MESD: variants seen among roughly 807,000 people sequenced by gnomAD.
MESD encodes mesoderm development LRP chaperone.
MESD carries 7 observed loss-of-function variants against 12.9 expected under a neutral mutation model. That is an observed-to-expected ratio of 0.54 (90% CI 0.31 to 1.02). The LOEUF is 1.02. MESD is among the 50% of genes least tolerant of loss of function. The probability of loss-of-function intolerance (pLI) is 0.05; values close to 1 mark genes in which losing one functional copy is unlikely to be tolerated. For missense variants in MESD, 342 were observed against 296.7 expected (o/e 1.15, Z -1.12); for synonymous variants, 126 against 115.6 (o/e 1.09, Z -0.58).
At chr15:80,946,736 G>A (rs1358471883), downstream of MESD, 4 of 556,192 alleles carry the variant, frequency 7.2e-6, no homozygotes, top group Non-Finnish European at 9.9e-6. Context: ...GAAGGCTGTG[G>A]GCACCAACTG....
chr15:80,974,197 C>T (rs116825754), downstream of MESD, among the ~76,000 whole-genome samples: 1,251 of 152,276 alleles, frequency 8.2e-3, 20 homozygotes, highest in African/African-American at 0.029. Context: ...TATAGGAAAG[C>T]TGAGAGAAGG....
rs1902439395 is a variant in MESD at position 80,977,169 on chromosome 15, C to G, written c.*2050G>C. ...CACAGGGTCTTAGCTCAGACTGTTT[C>G]CTCTGCCTGCCTTACTCTATTTCTC... On this transcript the variant is annotated 3_prime_UTR_variant, in exon 3 of 3. Transcript: ENST00000261758. 6.5e-6 allele frequency: 1 copy of G among 152,884 alleles called. No individual in the cohort carries two copies. Among genetic ancestry groups the G allele is most frequent in the Non-Finnish European group, 1.5e-5 (1 of 68,440 alleles). 9.5% of individuals were successfully genotyped at this position (152,884 alleles called of 1,614,324 possible). A position where few individuals can be genotyped will look rare whatever the true frequency, so the allele number is the denominator to read the frequency against.
intron 4 of MESD, chr15:80,948,993 G>C: frequency 3.7e-6 from 6 of 1,600,822 alleles, no homozygotes; most frequent in Non-Finnish European, 5.1e-6. Context: ...GACCAGTGGG[G>C]GATGGCTGGG....
At position 80,989,599 on chromosome 15, in the gene MESD, G is replaced by A. The variant is rs1893242090; in HGVS notation, c.193C>T (p.Arg65Cys). 3 of 1,613,544 alleles carry A rather than the reference G, an allele frequency of 1.9e-6. No homozygotes were observed. The highest frequency in any genetic ancestry group is 1.1e-5 in the South Asian group (1 of 91,074). The change falls in exon 1 of 3, where the codon CGT (arginine) becomes TGT (cysteine). Residue 65 changes from arginine to cysteine, a missense_variant. Coordinates refer to ENST00000261758, the MANE Select transcript of MESD (RefSeq NM_015154.3). ...IRDYNDADMARLLEQWEKDDD... is the reference protein window; with the variant it reads ...IRDYNDADMACLLEQWEKDDD... ...CGGACCTCCCATTGCTCCAGAAGAC[G>A]CGCCATGTCTGCATCATTGTAATCG...
intron 3 of MESD, among the ~76,000 whole-genome samples, chr15:80,962,854 G>A (rs191411463): frequency 1.5e-4 from 23 of 152,240 alleles, no homozygotes; most frequent in Non-Finnish European, 7.4e-5. Flanking sequence ...GAGGGAAATT[G>A]ATACCACTAA....
At chr15:80,963,732 A>T (rs980195942) in intron 3 of MESD, among the ~76,000 whole-genome samples, 3 of 152,196 alleles carry the variant, frequency 2.0e-5, no homozygotes, top group African/African-American at 7.2e-5. Flanking sequence ...CAAAAACCAC[A>T]TGATTATCTC....
intron 3 of MESD, among the ~76,000 whole-genome samples, chr15:80,955,487 CAA>C (rs1169755665): frequency 3.5e-4 from 16 of 45,616 alleles, no homozygotes; most frequent in Middle Eastern, 0.012. Flanking sequence ...GACTCCGTCT[CAA>C]AAAAAAAAAA....
intron 2 of MESD, 71 bp from the exon 3 acceptor site, chr15:80,979,548 T>C: frequency 6.6e-7 from 1 of 1,510,742 alleles, no homozygotes; most frequent in Non-Finnish European, 8.9e-7. Flanking sequence ...AGCAATTCTC[T>C]GGCACTTATC....
chr15:80,952,946 G>A, intron 3 of MESD: 1 of 455,972 alleles, frequency 2.2e-6, no homozygotes, highest in South Asian at 1.5e-5. Context: ...CCTGCCCAAT[G>A]AGTGGTGTGG....
At chr15:80,971,446 C>A (rs1047319884), downstream of MESD, among the ~76,000 whole-genome samples, 7 of 152,186 alleles carry the variant, frequency 4.6e-5, no homozygotes, top group Non-Finnish European at 1.0e-4. Context: ...GCGTTAGCAA[C>A]AATCCTAAGT....
At chr15:80,981,920 G>A (rs1385592697) in intron 2 of MESD, 30 bp downstream of exon 2, 1 of 1,400,306 alleles carries the variant, frequency 7.1e-7, no homozygotes, top group East Asian at 2.3e-5. Context: ...CACAGCCTAT[G>A]AGTCTCTCAG....
intron 4 of MESD, chr15:80,951,234 T>C (rs765861338): frequency 1.3e-5 from 2 of 152,670 alleles, no homozygotes; most frequent in African/African-American, 2.4e-5. Flanking sequence ...ATGTTGAATG[T>C]CTTTGGCTCA....
downstream of MESD, among the ~76,000 whole-genome samples, chr15:80,972,805 G>A (rs767559226): frequency 8.5e-5 from 13 of 152,164 alleles, no homozygotes; most frequent in South Asian, 2.1e-4. Context: ...GGTTGATCAC[G>A]AGGTCAGGAG....
chr15:80,984,328 C>T (rs1291667977), intron 1 of MESD, among the ~76,000 whole-genome samples: 2 of 152,012 alleles, frequency 1.3e-5, no homozygotes, highest in African/African-American at 4.8e-5. Flanking sequence ...AACCTCAGCA[C>T]TTTAGGAGGT....
rs564684252 is a variant in MESD, at chr15:80,962,425, A to G, written c.*289-10129T>C. On this transcript the variant is annotated intron_variant, in intron 3 of 4. Coordinates refer to the MESD transcript ENST00000561312. The stretch of plus-strand genomic sequence containing the variant: ...TAACACGCCACTGTCAATATTAGAC[A>G]GATCGAGACAGAAAATTAACAAGGA... 1.3e-4 allele frequency among the ~76,000 whole-genome samples: 20 copies of G among 152,276 alleles called. No homozygotes were observed. In the South Asian group the frequency reaches 4.1e-3, roughly 32 times the overall value.
At chr15:80,988,748 T>C (rs756257908) in intron 1 of MESD, among the ~76,000 whole-genome samples, 14 of 152,202 alleles carry the variant, frequency 9.2e-5, no homozygotes, top group Middle Eastern at 3.2e-3. Flanking sequence ...CCTCCTCATG[T>C]TGCAGATAAA....
At chr15:80,980,820 C>CTT (rs67729328) in intron 2 of MESD, among the ~76,000 whole-genome samples, 4 of 142,606 alleles carry the variant, frequency 2.8e-5, no homozygotes, top group South Asian at 2.3e-4. Context: ...AATAAATGCC[C>CTT]TTTTTTTTTT....
At chr15:80,947,726 T>C (rs1901623597) in exon 5 of MESD, 1 of 153,674 alleles carries the variant, frequency 6.5e-6, no homozygotes, top group Admixed American at 6.4e-5. Context: ...ATAATGATCA[T>C]TGTGGTTGCT....
chr15:80,987,206 C>T (rs144584804), intron 1 of MESD, among the ~76,000 whole-genome samples: 1 of 152,162 alleles, frequency 6.6e-6, no homozygotes, highest in Non-Finnish European at 1.5e-5. Flanking sequence ...CACTGAAGCA[C>T]TGTTTCTCAC....
Sources: allele counts gnomAD v4.1 joint callset (sites outside exome capture counted in the v4.1 genomes callset), GRCh38; gene constraint gnomAD v4.1.1; transcripts MANE v1.5; gene names NCBI Gene and HGNC (gene_info 2026-07-23, HGNC 2026-07-21).